GAREM1: variants seen among roughly 807,000 people sequenced by gnomAD.
GAREM1 encodes GRB2-associated and regulator of MAPK protein 1.
In GAREM1, 26 loss-of-function variants were observed where a neutral mutation model predicts 71.3. That is an observed-to-expected ratio of 0.36 (90% CI 0.27 to 0.51). The LOEUF is 0.51. Among genes scored for constraint, GAREM1 ranks in the 20% least tolerant of loss-of-function variants. GAREM1 has a pLI of 0.95. For missense variants in GAREM1, 1,026 were observed against 1,103.1 expected, an observed-to-expected ratio of 0.93 and a Z score of 0.99; for synonymous variants, 440 against 433.2, an observed-to-expected ratio of 1.02 and a Z score of -0.20.
chr18:32,372,393 A>G (rs2047990121), intron 2 of GAREM1, among the ~76,000 whole-genome samples: 1 of 152,214 alleles, frequency 6.6e-6, no homozygotes, highest in South Asian at 2.1e-4. Flanking sequence ...GAGAAACAAC[A>G]CAGCACAGTC....
chr18:32,364,026 A>ATATATTTTTTTTTTTTTTT (rs1336753011), intron 2 of GAREM1, among the ~76,000 whole-genome samples: 1 of 46,418 alleles, frequency 2.2e-5, no homozygotes, highest in African/African-American at 1.6e-4. Flanking sequence ...ATATATATAT[A>ATATATTTTTTTTTTTTTTT]TGTTTTTTTT....
At chr18:32,358,643 C>T (rs533418491) in intron 2 of GAREM1, among the ~76,000 whole-genome samples, 28 of 152,302 alleles carry the variant, frequency 1.8e-4, no homozygotes, top group Admixed American at 4.6e-4. Flanking sequence ...ATAGAAGCCA[C>T]CGTAACAACT....
rs190240753 is a variant in GAREM1 at position 32,412,254 on chromosome 18, G to T, written c.122-19219C>A. 3.8e-6 allele frequency: 6 copies of T among 1,570,874 alleles called. No individual in the cohort carries two copies. The Admixed American group carries it at 8.3e-5, about 22-fold the overall frequency. Reference sequence around the variant, plus strand: ...ACTGACACAGCTACTGCTGCTGCTGGAACCGCCATAGCCACCTTGGTTTCG... The same window carrying T: ...ACTGACACAGCTACTGCTGCTGCTGTAACCGCCATAGCCACCTTGGTTTCG... On this transcript the variant is annotated intron_variant, in intron 1 of 5. Transcript: ENST00000269209.
chr18:32,312,706 C>T (rs1189958531), intron 2 of GAREM1, among the ~76,000 whole-genome samples: 1 of 152,126 alleles, frequency 6.6e-6, no homozygotes, highest in East Asian at 1.9e-4. Flanking sequence ...AACAAGCATG[C>T]TTGCATGCTG....
intron 4 of GAREM1, among the ~76,000 whole-genome samples, chr18:32,271,420 T>C (rs996014301): frequency 6.6e-6 from 1 of 152,152 alleles, no homozygotes; most frequent in Non-Finnish European, 1.5e-5. Flanking sequence ...CTTGAACTCC[T>C]TGCATCTACT....
chr18:32,373,266 T>C (rs149019695), intron 2 of GAREM1, among the ~76,000 whole-genome samples: 69 of 152,228 alleles, frequency 4.5e-4, no homozygotes, highest in Middle Eastern at 3.4e-3. Context: ...CTCAACTCTT[T>C]CTGAATATAT....
At chr18:32,383,531 C>A (rs909089218) in intron 2 of GAREM1, among the ~76,000 whole-genome samples, 3 of 152,192 alleles carry the variant, frequency 2.0e-5, no homozygotes, top group Non-Finnish European at 4.4e-5. Context: ...GGTCACACTA[C>A]TTCTTAGAGG....
Position 32,268,371 on chromosome 18 carries a change from G to C in GAREM1, c.2131C>G (p.Leu711Val), listed in dbSNP as rs1446385301. 1.9e-6 allele frequency: 3 copies of C among 1,614,064 alleles called. No individual in the cohort carries two copies. The East Asian group carries it at 6.7e-5, about 36-fold the overall frequency. The change falls in exon 6 of 6, where the codon CTT becomes GTT. Residue 711 changes from leucine to valine, a missense_variant. By Grantham distance (32) the Leu-to-Val change is conservative (BLOSUM62 1). Around this residue, in one of 3 missense-constraint regions of GAREM1, gnomAD observed 636 missense variants for 631.2 expected, o/e 1.01. Coordinates refer to ENST00000269209, the MANE Select transcript of GAREM1 (RefSeq NM_001242409.2). ...YSLESTDVKS[L>V]AAGVTKQSTS... ...CTCTGCTTTGTCACACCAGCTGCAAGAGATTTCACATCTGTGCTCTCCAGA... is the reference window on the plus strand; with the variant it reads ...CTCTGCTTTGTCACACCAGCTGCAACAGATTTCACATCTGTGCTCTCCAGA...
chr18:32,465,692 G>A (rs1233950591), intron 1 of GAREM1, among the ~76,000 whole-genome samples: 1 of 152,138 alleles, frequency 6.6e-6, no homozygotes, highest in African/African-American at 2.4e-5. Context: ...TGGGGTACAT[G>A]TTTGGGGCAA....
chr18:32,381,897 T>A (rs2048101325), intron 2 of GAREM1, among the ~76,000 whole-genome samples: 1 of 152,162 alleles, frequency 6.6e-6, no homozygotes, highest in African/African-American at 2.4e-5. Context: ...GCCCTTAACC[T>A]CGTTCACCTG....
At chr18:32,452,219 T>TA (rs1414556015) in intron 1 of GAREM1, among the ~76,000 whole-genome samples, 1 of 152,160 alleles carries the variant, frequency 6.6e-6, no homozygotes, top group Non-Finnish European at 1.5e-5. Flanking sequence ...ATTTTTATAA[T>TA]AGAGTTCATC....
chr18:32,376,945 C>A (rs2048036168), intron 2 of GAREM1, among the ~76,000 whole-genome samples: 1 of 152,132 alleles, frequency 6.6e-6, no homozygotes, highest in African/African-American at 2.4e-5. Context: ...TTAGTATAAG[C>A]CAGTGTGTTA....
At chr18:32,281,565 A>C (rs1299189351) in intron 4 of GAREM1, among the ~76,000 whole-genome samples, 1 of 152,254 alleles carries the variant, frequency 6.6e-6, no homozygotes, top group Non-Finnish European at 1.5e-5. Flanking sequence ...CACTGCAGTA[A>C]AATTTAGTTG....
chr18:32,341,654 T>C (rs2047648921), intron 2 of GAREM1, among the ~76,000 whole-genome samples: 1 of 152,220 alleles, frequency 6.6e-6, no homozygotes, highest in Non-Finnish European at 1.5e-5. Flanking sequence ...CTGGAGTTTC[T>C]TTCTTTAATA....
rs141621159 is a variant in GAREM1 at position 32,301,392 on chromosome 18, T to C, written c.393+8801A>G. On this transcript the variant is annotated intron_variant, in intron 3 of 5. Transcript: ENST00000269209. Reference sequence around the variant, plus strand: ...GATAGACTGAAAATTTCAAAATAAGTGTGAACAAATGTGAACATGAAAGAG... The same window carrying C: ...GATAGACTGAAAATTTCAAAATAAGCGTGAACAAATGTGAACATGAAAGAG... Among the ~76,000 whole-genome samples the C allele has an allele frequency of 2.8e-3, 434 of 152,292 alleles. 4 individuals are homozygous for C. The highest frequency in any genetic ancestry group is 0.01 in the African/African-American group (418 of 41,564).
At chr18:32,435,388 G>C (rs894908894) in intron 1 of GAREM1, among the ~76,000 whole-genome samples, 5 of 152,082 alleles carry the variant, frequency 3.3e-5, no homozygotes, top group African/African-American at 1.2e-4. Context: ...GAAGGGTTAA[G>C]GGTATATGGG....
chr18:32,405,236 T>C (rs1490703157), intron 1 of GAREM1, among the ~76,000 whole-genome samples: 1 of 152,150 alleles, frequency 6.6e-6, no homozygotes, highest in Non-Finnish European at 1.5e-5. Flanking sequence ...TCTCGCTCTA[T>C]CACCCAGGCT....
intron 1 of GAREM1, among the ~76,000 whole-genome samples, chr18:32,400,630 T>C (rs1447755411): frequency 2.6e-5 from 4 of 152,234 alleles, no homozygotes; most frequent in East Asian, 3.9e-4. Flanking sequence ...TAAGATACCA[T>C]CTCACACCAG....
At chr18:32,311,940 C>T (rs2144521470) in intron 2 of GAREM1, among the ~76,000 whole-genome samples, 1 of 152,324 alleles carries the variant, frequency 6.6e-6, no homozygotes, top group East Asian at 1.9e-4. Flanking sequence ...AGGTAGAAGG[C>T]TCCTACAATA....
Sources: allele counts gnomAD v4.1 joint callset (sites outside exome capture counted in the v4.1 genomes callset), GRCh38; gene constraint gnomAD v4.1.1; regional missense constraint gnomAD v4.1.1; transcripts MANE v1.5; gene names NCBI Gene and HGNC (gene_info 2026-07-23, HGNC 2026-07-21).